CEP350: variants seen among roughly 807,000 people sequenced by gnomAD.
The protein encoded by CEP350 is centrosomal protein 350.
A neutral mutation model predicts 331.8 loss-of-function variants in CEP350; 126 were observed. The observed-to-expected ratio is 0.38, with a 90% CI of 0.33 to 0.44. The LOEUF (loss-of-function observed/expected upper bound fraction) is 0.44. Among genes scored for constraint, CEP350 ranks in the 20% least tolerant of loss-of-function variants. The pLI is 1.00. For missense variants in CEP350, 3,406 were observed against 3,634.6 expected (o/e 0.94, Z 1.62); for synonymous variants, 1,200 against 1,259.5 (o/e 0.95, Z 1.00).
intron 5 of CEP350, among the ~76,000 whole-genome samples, chr1:179,995,035 G>A (rs1053467833): frequency 6.6e-6 from 1 of 152,122 alleles, no homozygotes; most frequent in African/African-American, 2.4e-5. Context: ...AACATTTTTA[G>A]TAGTCACACA....
chr1:180,052,389 C>G (rs1398340531), intron 22 of CEP350: 1 of 345,044 alleles, frequency 2.9e-6, no homozygotes, highest in East Asian at 8.7e-5. Context: ...AATAAGAGCT[C>G]TTTGTAGAAA....
chr1:179,955,143 G>A lies in CEP350; in HGVS notation c.-14+1G>A. The A allele has an allele frequency of 6.9e-7, 1 of 1,454,528 alleles. No homozygotes were observed. Among genetic ancestry groups the A allele is most frequent in the Non-Finnish European group, 9.1e-7 (1 of 1,102,084 alleles). The allele number at this position is 1,454,528 out of a possible 1,614,324, so 90.1% of individuals were successfully genotyped here. A position where few individuals can be genotyped will look rare whatever the true frequency, so the allele number is the denominator to read the frequency against. On this transcript the variant is annotated splice_donor_variant, in intron 1 of 37. Transcript: ENST00000367607. LOFTEE classifies it low-confidence loss of function (5UTR_SPLICE). ...CCGAGGGCGGAGGCGACACTCTCAG[G>A]TGAGCTCCTGTAGGACCTGGCTGGG...
chr1:180,022,601 C>A (rs776139484), intron 12 of CEP350, 97 bp from the exon 13 acceptor site: 2 of 983,300 alleles, frequency 2.0e-6, no homozygotes, highest in Non-Finnish European at 3.0e-6. Context: ...ACTAAAATGT[C>A]CCTAAGCCCA....
rs576110109 is a variant in CEP350 at position 179,958,180 on chromosome 1, AGT to A, written c.-14+3041_-14+3042del. ...TGGGCCTTTTTTTTCATGAATCCAA[AGT>A]GTTAACTTAAAAATGAATCTGAACC... On this transcript the variant is annotated intron_variant, in intron 1 of 37. Coordinates refer to ENST00000367607, the MANE Select transcript of CEP350 (RefSeq NM_014810.5). 4.2e-3 allele frequency among the ~76,000 whole-genome samples: 646 copies of A among 152,266 alleles called. 5 individuals carry two copies. The highest frequency in any genetic ancestry group is 0.015 in the African/African-American group (614 of 41,550).
At position 180,096,063 on chromosome 1, in the gene CEP350, T is replaced by A; in HGVS notation, c.8945T>A (p.Ile2982Asn). 1 of 1,552,938 alleles carries A rather than the reference T, an allele frequency of 6.4e-7. No individual in the cohort carries two copies. ...KQAVFDLTKE[I>N]FEEIFAEDPN... ...GCGGTTTTTGATTTAACAAAAGAGA[T>A]TTTTGAGGAAATATTTGCTGAGGAT... The change falls in exon 36 of 38, where the codon ATT (isoleucine) becomes AAT (asparagine). Residue 2982 changes from isoleucine to asparagine, a missense_variant. Physicochemically the swap from Ile to Asn is moderately radical, Grantham distance 149. Coordinates refer to ENST00000367607, the MANE Select transcript of CEP350 (RefSeq NM_014810.5).
intron 13 of CEP350, among the ~76,000 whole-genome samples, chr1:180,023,704 A>G (rs913098428): frequency 2.0e-5 from 3 of 152,212 alleles, no homozygotes; most frequent in Admixed American, 1.3e-4. Flanking sequence ...AAACTGAAGC[A>G]GAGGTTAAAT....
chr1:180,094,143 G>A lies in CEP350; in HGVS notation c.8038G>A (p.Ala2680Thr), dbSNP rs772983804. Reference protein sequence around the residue: ...ISDATEKVSIAAEDDTLDNTF... With the variant: ...ISDATEKVSITAEDDTLDNTF... ...TGATGCCACAGAAAAGGTTTCCATC[G>A]CTGCAGAAGATGACACTTTAGACAA... The change falls in exon 34 of 38, where the codon GCT becomes ACT. Residue 2680 changes from alanine (A) to threonine (T), a missense_variant. Physicochemically the swap from Ala to Thr is moderately conservative, Grantham distance 58. Around this residue, in one of 5 missense-constraint regions of CEP350, gnomAD observed 1,415 missense variants for 1,512.3 expected, o/e 0.94. Coordinates refer to ENST00000367607, the MANE Select transcript of CEP350 (RefSeq NM_014810.5). 1.2e-5 allele frequency: 19 copies of A among 1,613,576 alleles called. No individual in the cohort carries two copies. Among genetic ancestry groups the A allele is most frequent in the Admixed American group, 3.3e-5 (2 of 59,936 alleles).
At chr1:179,960,774 T>C (rs1488462064) in intron 1 of CEP350, among the ~76,000 whole-genome samples, 1 of 152,208 alleles carries the variant, frequency 6.6e-6, no homozygotes, top group African/African-American at 2.4e-5. Context: ...TGTGGTAATT[T>C]AGTAATAAAA....
At chr1:180,050,853 C>G (rs1173342333) in intron 22 of CEP350, among the ~76,000 whole-genome samples, 4 of 152,024 alleles carry the variant, frequency 2.6e-5, no homozygotes, top group African/African-American at 7.3e-5. Context: ...TTACAAGATG[C>G]CATAACACAC....
intron 6 of CEP350, among the ~76,000 whole-genome samples, chr1:179,999,182 G>A (rs1653692215): frequency 6.6e-6 from 1 of 152,008 alleles, no homozygotes; most frequent in Admixed American, 6.6e-5. Flanking sequence ...AAATACCAAT[G>A]ATTATTCCAC....
chr1:180,056,298 T>C (rs1479722980), intron 25 of CEP350, among the ~76,000 whole-genome samples: 1 of 152,192 alleles, frequency 6.6e-6, no homozygotes, highest in Non-Finnish European at 1.5e-5. Flanking sequence ...AAGGTTCCTC[T>C]TAAGATTATT....
At chr1:179,990,187 A>G (rs1441481726) in intron 3 of CEP350, among the ~76,000 whole-genome samples, 2 of 152,182 alleles carry the variant, frequency 1.3e-5, no homozygotes, top group Non-Finnish European at 2.9e-5. Flanking sequence ...CCGTCTCAAA[A>G]AAAAAAAAGT....
At chr1:179,999,592 A>G (rs1558089332) in intron 6 of CEP350, among the ~76,000 whole-genome samples, 1 of 152,200 alleles carries the variant, frequency 6.6e-6, no homozygotes. Flanking sequence ...GTTTAAAGAC[A>G]TAATAAATTC....
chr1:180,051,348 C>A (rs1657487463), intron 22 of CEP350, among the ~76,000 whole-genome samples: 1 of 152,058 alleles, frequency 6.6e-6, no homozygotes, highest in Non-Finnish European at 1.5e-5. Flanking sequence ...AAGCAGGCCC[C>A]AAAAGTCTGT....
chr1:180,073,705 A>C (rs992035477), intron 27 of CEP350: 22 of 1,109,798 alleles, frequency 2.0e-5, no homozygotes, highest in Non-Finnish European at 2.5e-5. Flanking sequence ...AAAGTTCTTC[A>C]CTCAGCTCTT....
chr1:180,093,426 G>T lies in CEP350; in HGVS notation c.7321G>T (p.Glu2441Ter). Residue 2441 changes from glutamate to a stop codon, truncating the protein, a stop_gained, in exon 34 of 38, where the codon GAG becomes TAG. Coordinates refer to ENST00000367607, the MANE Select transcript of CEP350 (RefSeq NM_014810.5). LOFTEE classifies it high-confidence loss of function. ...SNEEISECLS[E>*]KSLSIHSNVH... is the part of the protein sequence containing the mutation. ...TGAGGAAATCAGTGAGTGCCTAAGT[G>T]AGAAAAGCCTTTCTATCCATAGCAA... The T allele has an allele frequency of 1.3e-6, 2 of 1,599,460 alleles. No homozygotes were observed. The highest frequency in any genetic ancestry group is 2.3e-5 in the South Asian group (2 of 88,678).
At chr1:180,090,079 A>G (rs1414556542) in intron 32 of CEP350, among the ~76,000 whole-genome samples, 1 of 152,220 alleles carries the variant, frequency 6.6e-6, no homozygotes, top group Non-Finnish European at 1.5e-5. Flanking sequence ...TGAACAAATA[A>G]GAGAGAGACA....
chr1:180,031,534 G>C, intron 15 of CEP350, 40 bp downstream of exon 15: 1 of 963,710 alleles, frequency 1.0e-6, no homozygotes, highest in South Asian at 4.0e-5. Flanking sequence ...TATAATTAAA[G>C]ATATATAATT....
At chr1:180,096,420 C>A (rs576352962) in intron 36 of CEP350, among the ~76,000 whole-genome samples, 102 of 147,182 alleles carry the variant, frequency 6.9e-4, no homozygotes, top group Non-Finnish European at 6.2e-4. Flanking sequence ...AAAAAAAATT[C>A]TTTTACCAGT....
Sources: allele counts gnomAD v4.1 joint callset (sites outside exome capture counted in the v4.1 genomes callset), GRCh38; gene constraint gnomAD v4.1.1; regional missense constraint gnomAD v4.1.1; transcripts MANE v1.5; gene names NCBI Gene and HGNC (gene_info 2026-07-23, HGNC 2026-07-21).